PARP14: variants seen among roughly 807,000 people sequenced by gnomAD.
PARP14 encodes protein mono-ADP-ribosyltransferase PARP14.
Under a neutral mutation model 154.2 loss-of-function variants are expected in PARP14, and 59 were observed. The observed-to-expected ratio is 0.38, with a 90% CI of 0.31 to 0.48. The LOEUF (loss-of-function observed/expected upper bound fraction) is 0.48. Ranked by LOEUF, PARP14 falls within the 20% of genes least tolerant of loss-of-function variation. The pLI, the probability that PARP14 is intolerant of heterozygous loss-of-function variation, is 0.98. For synonymous variants in PARP14, 720 were observed against 780.5 expected (o/e 0.92, Z 1.29); for missense variants, 1,734 against 2,131.6 (o/e 0.81, Z 3.67).
intron 15 of PARP14, among the ~76,000 whole-genome samples, chr3:122,724,038 G>T (rs1933222977): frequency 6.6e-6 from 1 of 152,108 alleles, no homozygotes. Context: ...AGGAAGTTGG[G>T]TCCCATGTCT....
intron 12 of PARP14, among the ~76,000 whole-genome samples, chr3:122,715,619 T>TATCTATCTATCTATC (rs2107652190): frequency 1.5e-5 from 2 of 129,930 alleles, no homozygotes; most frequent in South Asian, 4.6e-4. Context: ...TCTATCTATC[T>TATCTATCTATCTATC]ATCTATCTAT....
chr3:122,692,343 G>C lies in PARP14; in HGVS notation c.398G>C (p.Gly133Ala). The change falls in exon 4 of 17, where the codon GGA (glycine) becomes GCA (alanine). Residue 133 changes from glycine to alanine, a missense_variant. Physicochemically the swap from Gly to Ala is moderately conservative, Grantham distance 60. Coordinates refer to ENST00000474629, the MANE Select transcript of PARP14 (RefSeq NM_017554.3). ...GATACAAAACTCCCTCTTGATGGTG[G>C]ATTAGACAAAATGGAAGATATCCCA... ...ELDTKLPLDG[G>A]LDKMEDIPEE... is the part of the protein sequence containing the mutation. 2 of 1,613,134 alleles carry C rather than the reference G, an allele frequency of 1.2e-6. No individual in the cohort carries two copies. Among genetic ancestry groups the C allele is most frequent in the Non-Finnish European group, 1.7e-6 (2 of 1,179,206 alleles).
chr3:122,703,555 T>C (rs543210378), intron 6 of PARP14, among the ~76,000 whole-genome samples, 187 bp from the exon 7 acceptor site: 1 of 152,334 alleles, frequency 6.6e-6, no homozygotes, highest in South Asian at 2.1e-4. Context: ...GACTGCTCTC[T>C]TTTTTTCCTA....
chr3:122,725,701 A>G (rs571998455), intron 15 of PARP14, among the ~76,000 whole-genome samples: 1 of 152,252 alleles, frequency 6.6e-6, no homozygotes, highest in Non-Finnish European at 1.5e-5. Context: ...CTTGATAGCA[A>G]CATATACTTG....
In PARP14 at chr3:122,701,298, C is replaced by G; in HGVS notation, c.2744C>G (p.Ser915Cys). ...LCLAEKYKYR[S>C]IAIPAISSGV... is the part of the protein sequence containing the mutation. Reference sequence around the variant, plus strand: ...CTAGCCGAAAAATACAAGTACCGATCCATAGCCATCCCAGCTATTAGTTCT... The same window carrying G: ...CTAGCCGAAAAATACAAGTACCGATGCATAGCCATCCCAGCTATTAGTTCT... Residue 915 changes from serine (S) to cysteine (C), a missense_variant, in exon 6 of 17, where the codon TCC becomes TGC. Coordinates refer to ENST00000474629, the MANE Select transcript of PARP14 (RefSeq NM_017554.3). This position sits in a 1 kb window ranked among gnomAD's most constrained non-coding sequence, Gnocchi z 4.0. 3 of 1,613,994 alleles carry G rather than the reference C, an allele frequency of 1.9e-6. No homozygotes were observed. Among genetic ancestry groups the G allele is most frequent in the Non-Finnish European group, 1.7e-6 (2 of 1,179,836 alleles).
At position 122,700,353 on chromosome 3, in the gene PARP14, G is replaced by T. The variant is rs960429057; in HGVS notation, c.1799G>T (p.Arg600Leu). 2.5e-6 allele frequency: 4 copies of T among 1,613,800 alleles called. No individual in the cohort carries two copies. The highest frequency in any genetic ancestry group is 1.7e-5 in the Admixed American group (1 of 60,012). Residue 600 changes from arginine to leucine, a missense_variant, in exon 6 of 17, where the codon CGC becomes CTC. Arg to Leu is a moderately radical substitution (Grantham distance 102, BLOSUM62 -2). Transcript: ENST00000474629. ...KQMLSALNYKRIEVENKEVLH... is the reference protein window; with the variant it reads ...KQMLSALNYKLIEVENKEVLH... Reference sequence around the variant, plus strand: ...ATGCTCAGTGCCTTAAATTATAAGCGCATTGAAGTTGAGAACAAAGAAGTT... The same window carrying T: ...ATGCTCAGTGCCTTAAATTATAAGCTCATTGAAGTTGAGAACAAAGAAGTT...
Position 122,701,844 on chromosome 3 carries a change from TGA to T in PARP14, c.3081+212_3081+213del, listed in dbSNP as rs1938989243. On this transcript the variant is annotated intron_variant, in intron 6 of 16. Transcript: ENST00000474629. The surrounding 1 kb of genome is among the most constrained non-coding windows in gnomAD (Gnocchi z 4.0). ...CTAATAGAGATCGGCCAATTATTTG[TGA>T]GAACTGAAAGGGTATAGAGGTCAGA... Among the ~76,000 whole-genome samples the T allele has an allele frequency of 6.6e-6, 1 of 152,252 alleles. No homozygotes were observed. Among genetic ancestry groups the T allele is most frequent in the African/African-American group, 2.4e-5 (1 of 41,474 alleles).
At chr3:122,710,569 A>G (rs538403810) in intron 9 of PARP14, among the ~76,000 whole-genome samples, 8 of 151,176 alleles carry the variant, frequency 5.3e-5, no homozygotes, top group Non-Finnish European at 1.2e-4. Context: ...GAATTTTAGG[A>G]TTTTTTTTCT....
chr3:122,728,490 A>C lies in PARP14; in HGVS notation c.5299A>C (p.Thr1767Pro). ...TCCTTCAAAGAACCCTCAAAATCCT[A>C]CTGACCTGTATGACACTGTCACAGA... ...VPPSKNPQNPTDLYDTVTDNV... is the reference protein window; with the variant it reads ...VPPSKNPQNPPDLYDTVTDNV... The change falls in exon 17 of 17, where the codon ACT (threonine) becomes CCT (proline). Residue 1767 changes from threonine to proline, a missense_variant. By Grantham distance (38) the Thr-to-Pro change is conservative (BLOSUM62 -1). Coordinates refer to ENST00000474629, the MANE Select transcript of PARP14 (RefSeq NM_017554.3). 6.2e-7 allele frequency: 1 copy of C among 1,613,764 alleles called. No individual in the cohort carries two copies. Among genetic ancestry groups the C allele is most frequent in the Non-Finnish European group, 8.5e-7 (1 of 1,179,724 alleles).
intron 5 of PARP14, among the ~76,000 whole-genome samples, chr3:122,697,371 C>T (rs182097645): frequency 4.6e-5 from 7 of 152,166 alleles, no homozygotes; most frequent in African/African-American, 1.2e-4. Context: ...TTGCACATGA[C>T]GAAACTGAAG....
rs1933379678 is a variant in PARP14, at chr3:122,729,709, C to A, written c.*1112C>A. On this transcript the variant is annotated 3_prime_UTR_variant, in exon 17 of 17. Transcript: ENST00000474629. ...GGATTACAGGTGTGAGCCACCGTGA[C>A]CAGCCAATGTGCCTTCTTATAGTGT... The A allele has an allele frequency of 6.6e-6, 1 of 152,212 alleles. No homozygotes were observed. Among genetic ancestry groups the A allele is most frequent in the Non-Finnish European group, 1.5e-5 (1 of 68,072 alleles). 9.4% of individuals were successfully genotyped at this position (152,212 alleles called of 1,614,324 possible).
chr3:122,714,910 C>G (rs959308872), intron 12 of PARP14, among the ~76,000 whole-genome samples: 5 of 152,168 alleles, frequency 3.3e-5, no homozygotes, highest in Non-Finnish European at 5.9e-5. Flanking sequence ...TCAGCTGTGT[C>G]ACTTGGCCTC....
At chr3:122,720,577 C>T (rs2107654333) in intron 15 of PARP14, 189 bp downstream of exon 15, 1 of 637,520 alleles carries the variant, frequency 1.6e-6, no homozygotes, top group South Asian at 1.8e-5. Flanking sequence ...ATTCTTGTGT[C>T]AGTGATTACA....
rs1321549850 is a variant in PARP14 at position 122,720,310 on chromosome 3, G to C, written c.4863G>C (p.Glu1621Asp). 1.2e-6 allele frequency: 2 copies of C among 1,612,748 alleles called. No homozygotes were observed. The highest frequency in any genetic ancestry group is 1.7e-6 in the Non-Finnish European group (2 of 1,179,284). Residue 1621 changes from glutamate to aspartate, a missense_variant, in exon 15 of 17, where the codon GAG becomes GAC. This residue lies in a region of PARP14 where 1,646 missense variants were observed against 1,976.0 expected (regional missense o/e 0.83). Transcript: ENST00000474629. The part of the protein sequence containing the change: ...DMKQQNFCVV[E>D]LLPSDPEYNT... The stretch of plus-strand genomic sequence containing the variant: ...AGCAGCAGAATTTCTGTGTGGTGGA[G>C]CTGCTGCCTAGTGATCCTGAGTACA...
chr3:122,688,881 G>T (rs1024183495), intron 3 of PARP14, among the ~76,000 whole-genome samples: 1 of 152,140 alleles, frequency 6.6e-6, no homozygotes, highest in Non-Finnish European at 1.5e-5. Flanking sequence ...AAACTGAGGC[G>T]TCTGCAGGAG....
At chr3:122,705,668 G>T (rs1409280203) in intron 8 of PARP14, among the ~76,000 whole-genome samples, 10 of 152,150 alleles carry the variant, frequency 6.6e-5, no homozygotes, top group Non-Finnish European at 1.3e-4. Flanking sequence ...CCAAGGTACT[G>T]CAAAAATTGA....
chr3:122,713,915 A>G lies in PARP14; in HGVS notation c.3813A>G (p.Glu1271=). Residue 1271 remains glutamate, a synonymous_variant, in exon 11 of 17, where the codon GAA becomes GAG. Transcript: ENST00000474629. ...AILECAGQNV[E]RECSQQAQQR... Reference sequence around the variant, plus strand: ...TAGAATGTGCTGGACAAAATGTAGAAAGGGAATGTTCTCAGCAAGGTAAGG... The same window carrying G: ...TAGAATGTGCTGGACAAAATGTAGAGAGGGAATGTTCTCAGCAAGGTAAGG... 6.2e-7 allele frequency: 1 copy of G among 1,612,842 alleles called. No homozygotes were observed. Among genetic ancestry groups the G allele is most frequent in the South Asian group, 1.1e-5 (1 of 91,072 alleles).
At chr3:122,715,595 CATCTATCT>C (rs56863397) in intron 12 of PARP14, among the ~76,000 whole-genome samples, 14,313 of 142,414 alleles carry the variant, frequency 0.1, 713 homozygotes, top group South Asian at 0.15. Context: ...CTCTACCAGT[CATCTATCT>C]ATCTATCTAT....
At chr3:122,685,098 G>T in intron 1 of PARP14, 87 bp from the exon 2 acceptor site, 1 of 1,450,900 alleles carries the variant, frequency 6.9e-7, no homozygotes, top group Non-Finnish European at 9.6e-7. Flanking sequence ...TTGATTGATG[G>T]TAATGCAGCC....
Sources: allele counts gnomAD v4.1 joint callset (sites outside exome capture counted in the v4.1 genomes callset), GRCh38; gene constraint gnomAD v4.1.1; regional missense constraint gnomAD v4.1.1; non-coding constraint Gnocchi (gnomAD v3.1); transcripts MANE v1.5; gene names NCBI Gene and HGNC (gene_info 2026-07-23, HGNC 2026-07-21).